MYO7B: variants seen among roughly 807,000 people sequenced by gnomAD.
MYO7B encodes unconventional myosin-VIIb.
MYO7B carries 212 observed loss-of-function variants against 259.7 expected under a neutral mutation model. That is an observed-to-expected ratio of 0.82 (90% CI 0.73 to 0.91). The LOEUF is 0.91. Ranked by LOEUF, MYO7B falls within the 40% of genes least tolerant of loss-of-function variation. MYO7B has a pLI of 0.00. For synonymous variants in MYO7B, 1,197 were observed against 1,166.4 expected, an observed-to-expected ratio of 1.03 and a Z score of -0.54; for missense variants, 2,732 against 2,813.5, an observed-to-expected ratio of 0.97 and a Z score of 0.66.
intron 1 of MYO7B, among the ~76,000 whole-genome samples, chr2:127,545,509 G>C (rs139049211): frequency 9.5e-4 from 144 of 152,348 alleles, no homozygotes; most frequent in African/African-American, 3.0e-3. Flanking sequence ...CTCTCTGAGA[G>C]ACAAGTCGGG....
chr2:127,578,043 A>C, intron 8 of MYO7B, 90 bp from the exon 9 acceptor site: 1 of 1,507,404 alleles, frequency 6.6e-7, no homozygotes, highest in Non-Finnish European at 9.0e-7. Context: ...CCCATTGCCT[A>C]TGAAGTGCAG....
chr2:127,556,042 G>T (rs1260387752), intron 1 of MYO7B, among the ~76,000 whole-genome samples: 1 of 152,106 alleles, frequency 6.6e-6, no homozygotes, highest in Non-Finnish European at 1.5e-5. Context: ...TCATTTCTTA[G>T]GTCTAGTAGT....
intron 17 of MYO7B, among the ~76,000 whole-genome samples, chr2:127,593,174 G>A (rs1358668359): frequency 1.1e-4 from 16 of 152,208 alleles, no homozygotes; most frequent in Admixed American, 1.0e-3. Flanking sequence ...GCTGGCGGCC[G>A]CAGCGGTTCC....
Position 127,624,166 on chromosome 2 carries a change from G to A in MYO7B, c.3893G>A (p.Arg1298Lys), listed in dbSNP as rs1302485607. ...IARCEQMAQE[R>K]GESQRQSPWR... ...CGGTGTGAGCAGATGGCCCAGGAGAGGGGCGAGAGCCAGCGCCAGTCACCC... is the reference window on the plus strand; with the variant it reads ...CGGTGTGAGCAGATGGCCCAGGAGAAGGGCGAGAGCCAGCGCCAGTCACCC... The change falls in exon 30 of 48, where the codon AGG becomes AAG. Residue 1298 changes from arginine (R) to lysine (K), a missense_variant. Arg to Lys is a conservative substitution (Grantham distance 26). Transcript: ENST00000409816. 1.3e-6 allele frequency: 2 copies of A among 1,597,102 alleles called. No individual in the cohort carries two copies. The highest frequency in any genetic ancestry group is 8.5e-7 in the Non-Finnish European group (1 of 1,172,598).
rs1461601573 is a variant in MYO7B, at chr2:127,628,513, C to T, written c.4602C>T (p.Ala1534=). The T allele has an allele frequency of 1.5e-6, 2 of 1,374,486 alleles. No homozygotes were observed. The highest frequency in any genetic ancestry group is 1.7e-5 in the African/African-American group (1 of 59,496). The allele number at this position is 1,374,486 out of a possible 1,614,324, so 85.1% of individuals were successfully genotyped here. The change falls in exon 34 of 48, where the codon GCC becomes GCT. Residue 1534 remains alanine (A), a synonymous_variant. Transcript: ENST00000409816. This position sits in a 1 kb window ranked among gnomAD's most constrained non-coding sequence, Gnocchi z 4.8. ...AGGAGAGGTCCATTTTCGCCATGGC[C>T]CTGCAGGACAGGAAGGCCACAGGTG... ...GLKERSIFAM[A]LQDRKATDDT...
chr2:127,595,895 A>G (rs1679752458), intron 18 of MYO7B, among the ~76,000 whole-genome samples: 1 of 152,138 alleles, frequency 6.6e-6, no homozygotes, highest in African/African-American at 2.4e-5. Flanking sequence ...TATGTGATCA[A>G]TTTTAGAGTA....
chr2:127,603,604 C>T (rs1235962426), intron 19 of MYO7B, among the ~76,000 whole-genome samples: 1 of 152,166 alleles, frequency 6.6e-6, no homozygotes, highest in African/African-American at 2.4e-5. Context: ...TTTGTTGTTT[C>T]ATTTCTAGAT....
chr2:127,626,892 T>G (rs2105104409), intron 31 of MYO7B, 83 bp from the exon 32 acceptor site: 1 of 1,270,200 alleles, frequency 7.9e-7, no homozygotes, highest in South Asian at 1.4e-5. Context: ...GAAGGATCCA[T>G]CAACTCTTTT....
At chr2:127,621,887 C>T in intron 27 of MYO7B, 95 bp from the exon 28 acceptor site, 1 of 1,507,486 alleles carries the variant, frequency 6.6e-7, no homozygotes, top group Non-Finnish European at 9.0e-7. Flanking sequence ...ACATTATACA[C>T]TGAGTATTAT....
chr2:127,536,879 C>G (rs1171741558), intron 1 of MYO7B, among the ~76,000 whole-genome samples: 1 of 152,208 alleles, frequency 6.6e-6, no homozygotes, highest in Admixed American at 6.5e-5. Context: ...TCAGATGCCA[C>G]CTCTAAGAGA....
intron 1 of MYO7B, among the ~76,000 whole-genome samples, chr2:127,552,581 T>C (rs1258009385): frequency 6.6e-6 from 1 of 152,076 alleles, no homozygotes; most frequent in South Asian, 2.1e-4. Context: ...ACAGGCCATG[T>C]GGGGAATGGC....
In MYO7B at chr2:127,584,241, A is replaced by G. The variant is rs377485612; in HGVS notation, c.1463A>G (p.His488Arg). ...RSENISWDYI[H>R]YTDNRPTLDL... is the part of the protein sequence containing the mutation. The stretch of plus-strand genomic sequence containing the variant: ...GAGAACATCTCCTGGGACTATATCC[A>G]CTACACCGACAATCGGCCCACCCTG... Residue 488 changes from histidine (H) to arginine (R), a missense_variant, in exon 13 of 48, where the codon CAC becomes CGC. Coordinates refer to ENST00000409816, the MANE Select transcript of MYO7B (RefSeq NM_001393586.1). This position sits in a 1 kb window ranked among gnomAD's most constrained non-coding sequence, Gnocchi z 5.8. The G allele has an allele frequency of 1.9e-6, 3 of 1,613,836 alleles. No individual in the cohort carries two copies. The highest frequency in any genetic ancestry group is 2.7e-5 in the African/African-American group (2 of 74,884).
At chr2:127,554,140 T>C (rs183811777) in intron 1 of MYO7B, among the ~76,000 whole-genome samples, 312 of 152,332 alleles carry the variant, frequency 2.0e-3, no homozygotes, top group African/African-American at 7.4e-3. Flanking sequence ...AATGGTGCAA[T>C]CTCAGCTCAC....
intron 30 of MYO7B, among the ~76,000 whole-genome samples, chr2:127,624,937 G>A (rs1418295713): frequency 6.6e-6 from 1 of 152,194 alleles, no homozygotes; most frequent in Non-Finnish European, 1.5e-5. Flanking sequence ...CATGGGCAGG[G>A]GGTGGCAGGG....
intron 5 of MYO7B, among the ~76,000 whole-genome samples, chr2:127,568,565 A>G (rs894400584): frequency 2.0e-5 from 3 of 152,192 alleles, no homozygotes; most frequent in African/African-American, 7.2e-5. Context: ...CTTTGCTGGC[A>G]TAGTGATTGT....
At chr2:127,612,974 G>A (rs1680443666) in intron 26 of MYO7B, among the ~76,000 whole-genome samples, 1 of 152,204 alleles carries the variant, frequency 6.6e-6, no homozygotes, top group Admixed American at 6.5e-5. Context: ...AACACGTATA[G>A]TCAGCCTGCA....
rs1469841515 is a variant in MYO7B, at chr2:127,577,279, T to C, written c.849+571T>C. ...ATCTCTCCCATGCAACCCTCTCTCCTGGGTCCACTGCTCCAAGGCCTTCAC... is the reference window on the plus strand; with the variant it reads ...ATCTCTCCCATGCAACCCTCTCTCCCGGGTCCACTGCTCCAAGGCCTTCAC... On this transcript the variant is annotated intron_variant, in intron 8 of 47. Coordinates refer to ENST00000409816, the MANE Select transcript of MYO7B (RefSeq NM_001393586.1). This position sits in a 1 kb window ranked among gnomAD's most constrained non-coding sequence, Gnocchi z 5.2. Among the ~76,000 whole-genome samples the C allele has an allele frequency of 6.6e-6, 1 of 152,132 alleles. No individual in the cohort carries two copies. Among genetic ancestry groups the C allele is most frequent in the East Asian group, 1.9e-4 (1 of 5,184 alleles).
At chr2:127,629,916 G>A in intron 35 of MYO7B, 90 bp downstream of exon 35, 3 of 1,364,426 alleles carry the variant, frequency 2.2e-6, no homozygotes, top group African/African-American at 3.0e-5. Flanking sequence ...CCTAGCTCAG[G>A]GCCTGCAGCC....
chr2:127,570,961 G>A (rs147610595), intron 6 of MYO7B, among the ~76,000 whole-genome samples: 32 of 152,276 alleles, frequency 2.1e-4, no homozygotes, highest in African/African-American at 5.3e-4. Context: ...ATTCCATTGC[G>A]TGAAGGTACC....
Sources: allele counts gnomAD v4.1 joint callset (sites outside exome capture counted in the v4.1 genomes callset), GRCh38; gene constraint gnomAD v4.1.1; non-coding constraint Gnocchi (gnomAD v3.1); transcripts MANE v1.5; gene names NCBI Gene and HGNC (gene_info 2026-07-23, HGNC 2026-07-21).